Variants in SLC35F3 observed in about 807,000 individuals in gnomAD.
SLC35F3 encodes solute carrier family 35 member F3.
SLC35F3 carries 25 observed loss-of-function variants against 49.9 expected under a neutral mutation model. The ratio of observed to expected loss-of-function variants is 0.50; its 90% CI spans 0.37 to 0.70. The LOEUF (loss-of-function observed/expected upper bound fraction) is 0.70, where lower values mean the gene tolerates loss of function less well. SLC35F3 is among the 30% of genes least tolerant of loss of function. SLC35F3 has a pLI of 0.00. For missense variants in SLC35F3, 525 were observed against 639.8 expected (o/e 0.82, Z 1.94); for synonymous variants, 275 against 265.4 (o/e 1.04, Z -0.35).
intron 2 of SLC35F3, among the ~76,000 whole-genome samples, chr1:234,226,880 C>T (rs1162566001): frequency 2.6e-5 from 4 of 152,188 alleles, no homozygotes; most frequent in Non-Finnish European, 4.4e-5. Context: ...CACACACAGG[C>T]GTGGTTACAT....
intron 2 of SLC35F3, among the ~76,000 whole-genome samples, chr1:234,105,710 G>A (rs990551071): frequency 1.3e-5 from 2 of 152,206 alleles, no homozygotes; most frequent in African/African-American, 2.4e-5. Flanking sequence ...AGGAAGAGAA[G>A]AGAATATTTG....
chr1:234,249,966 C>T (rs1281375043), intron 3 of SLC35F3, among the ~76,000 whole-genome samples: 1 of 152,074 alleles, frequency 6.6e-6, no homozygotes, highest in Non-Finnish European at 1.5e-5. Flanking sequence ...TAATATGTAC[C>T]GGAACCCTCC....
intron 2 of SLC35F3, among the ~76,000 whole-genome samples, chr1:234,098,554 A>G (rs531138535): frequency 8.2e-4 from 100 of 122,298 alleles, no homozygotes; most frequent in Non-Finnish European, 1.1e-3. Context: ...GGTGGTGATT[A>G]TTGGTGGTGG....
At chr1:234,258,760 A>G (rs1159912887) in intron 3 of SLC35F3, among the ~76,000 whole-genome samples, 1 of 152,252 alleles carries the variant, frequency 6.6e-6, no homozygotes, top group African/African-American at 2.4e-5. Flanking sequence ...TTACTGTCCT[A>G]GTTTTGCAAA....
intron 3 of SLC35F3, among the ~76,000 whole-genome samples, chr1:234,270,356 G>A (rs912575739): frequency 1.3e-5 from 2 of 152,158 alleles, no homozygotes; most frequent in Non-Finnish European, 2.9e-5. Flanking sequence ...CTCAAGGAGA[G>A]GGTCCATTCT....
At chr1:234,096,273 C>T (rs569875203) in intron 2 of SLC35F3, among the ~76,000 whole-genome samples, 13 of 144,828 alleles carry the variant, frequency 9.0e-5, no homozygotes, top group African/African-American at 2.9e-4. Context: ...CCCCACATCA[C>T]CCTTTTTCCT....
intron 2 of SLC35F3, among the ~76,000 whole-genome samples, chr1:233,963,526 C>T (rs188360150): frequency 3.3e-4 from 50 of 152,218 alleles, no homozygotes; most frequent in Middle Eastern, 3.4e-3. Flanking sequence ...TGGTCTCGAT[C>T]TCCTGATCTC....
At chr1:234,176,672 T>C (rs1666480749) in intron 2 of SLC35F3, among the ~76,000 whole-genome samples, 1 of 151,900 alleles carries the variant, frequency 6.6e-6, no homozygotes, top group Admixed American at 6.6e-5. Flanking sequence ...TCTGAAGCAT[T>C]CTACTTCAGA....
chr1:233,960,777 G>A (rs1025869933), intron 2 of SLC35F3, among the ~76,000 whole-genome samples: 2 of 152,210 alleles, frequency 1.3e-5, no homozygotes, highest in Admixed American at 1.3e-4. Flanking sequence ...GGAAGGACCA[G>A]TGAATGAGGC....
chr1:234,162,764 T>C (rs371216191), intron 2 of SLC35F3, among the ~76,000 whole-genome samples: 3 of 152,332 alleles, frequency 2.0e-5, no homozygotes, highest in East Asian at 1.9e-4. Context: ...TCAGTCCAGC[T>C]TGCTGGCAGG....
intron 2 of SLC35F3, among the ~76,000 whole-genome samples, chr1:233,997,995 A>C (rs1201071192): frequency 1.3e-5 from 2 of 151,984 alleles, no homozygotes; most frequent in Non-Finnish European, 2.9e-5. Context: ...CAGGTGATCC[A>C]CCCACCTCGG....
intron 2 of SLC35F3, among the ~76,000 whole-genome samples, chr1:233,956,276 A>C (rs1330909846): frequency 6.6e-6 from 1 of 152,170 alleles, no homozygotes; most frequent in Non-Finnish European, 1.5e-5. Context: ...CATATTCTAA[A>C]GAAAGTCAGC....
intron 2 of SLC35F3, among the ~76,000 whole-genome samples, chr1:234,075,081 G>A (rs754618150): frequency 1.3e-5 from 2 of 152,230 alleles, no homozygotes. Context: ...ATGGTAGTGA[G>A]ATACACCGAT....
At chr1:234,234,276 TAC>T (rs1199582970) in intron 3 of SLC35F3, among the ~76,000 whole-genome samples, 1 of 152,134 alleles carries the variant, frequency 6.6e-6, no homozygotes, top group East Asian at 1.9e-4. Flanking sequence ...GCTGGACAGA[TAC>T]AGCAGCTTTT....
At chr1:234,021,933 C>A (rs1663902123) in intron 2 of SLC35F3, among the ~76,000 whole-genome samples, 1 of 152,138 alleles carries the variant, frequency 6.6e-6, no homozygotes. Flanking sequence ...GCCCAGCTTC[C>A]CACCCATGAG....
chr1:233,909,506 T>A (rs1365645374), intron 2 of SLC35F3, among the ~76,000 whole-genome samples: 1 of 152,184 alleles, frequency 6.6e-6, no homozygotes, highest in African/African-American at 2.4e-5. Flanking sequence ...GTGATTTGTA[T>A]CATTTACCTC....
chr1:234,274,745 A>G (rs957715197), intron 3 of SLC35F3, among the ~76,000 whole-genome samples: 2 of 152,194 alleles, frequency 1.3e-5, no homozygotes, highest in African/African-American at 2.4e-5. Context: ...CTTTGCCCCT[A>G]GTCCTTGTCT....
intron 3 of SLC35F3, among the ~76,000 whole-genome samples, chr1:234,256,141 A>C (rs905445471): frequency 1.3e-5 from 2 of 152,234 alleles, no homozygotes; most frequent in East Asian, 3.8e-4. Flanking sequence ...TAAGAGTGGA[A>C]AAAACATTTG....
chr1:234,078,347 A>G (rs1325078657), intron 2 of SLC35F3, among the ~76,000 whole-genome samples: 1 of 150,824 alleles, frequency 6.6e-6, no homozygotes, highest in African/African-American at 2.4e-5. Flanking sequence ...CCATTTCCTC[A>G]CCTCCTACTC....
Sources: allele counts gnomAD v4.1 joint callset (sites outside exome capture counted in the v4.1 genomes callset), GRCh38; gene constraint gnomAD v4.1.1; transcripts MANE v1.5; gene names NCBI Gene and HGNC (gene_info 2026-07-23, HGNC 2026-07-21).